BAZ1A: variants seen among roughly 807,000 people sequenced by gnomAD.
BAZ1A encodes bromodomain adjacent to zinc finger domain 1A, also known as bromodomain adjacent to zinc finger domain protein 1A.
Under a neutral mutation model 185.2 loss-of-function variants are expected in BAZ1A, and 50 were observed. The ratio of observed to expected loss-of-function variants is 0.27; its 90% CI spans 0.22 to 0.34. The LOEUF (loss-of-function observed/expected upper bound fraction) is 0.34, where lower values mean the gene tolerates loss of function less well. Among genes scored for constraint, BAZ1A ranks in the 10% least tolerant of loss-of-function variants. BAZ1A has a pLI of 1.00. For missense variants in BAZ1A, 1,356 were observed against 1,839.9 expected, an observed-to-expected ratio of 0.74 and a Z score of 4.81; for synonymous variants, 571 against 615.6, an observed-to-expected ratio of 0.93 and a Z score of 1.07.
chr14:34,844,079 G>A (rs1178328525), intron 3 of BAZ1A, among the ~76,000 whole-genome samples: 7 of 150,862 alleles, frequency 4.6e-5, no homozygotes, highest in African/African-American at 1.5e-4. Flanking sequence ...GGTAGCGGGC[G>A]CCTGTAGTCC....
At chr14:34,766,051 G>C (rs1238814243) in intron 21 of BAZ1A, among the ~76,000 whole-genome samples, 1 of 152,168 alleles carries the variant, frequency 6.6e-6, no homozygotes, top group Non-Finnish European at 1.5e-5. Context: ...TAACGGTTAA[G>C]AAAATGCAGG....
At chr14:34,814,526 T>G (rs1400813526) in intron 4 of BAZ1A, among the ~76,000 whole-genome samples, 1 of 151,768 alleles carries the variant, frequency 6.6e-6, no homozygotes, top group Non-Finnish European at 1.5e-5. Flanking sequence ...TGGAATACAG[T>G]GGCGCAATCA....
intron 4 of BAZ1A, among the ~76,000 whole-genome samples, chr14:34,819,813 A>G (rs2042059691): frequency 6.6e-6 from 1 of 152,206 alleles, no homozygotes; most frequent in South Asian, 2.1e-4. Flanking sequence ...GCTACATCAT[A>G]TAAAAGTATG....
intron 20 of BAZ1A, among the ~76,000 whole-genome samples, chr14:34,773,162 C>T (rs552847652): frequency 3.3e-5 from 5 of 152,220 alleles, no homozygotes; most frequent in African/African-American, 1.2e-4. Flanking sequence ...CTCCTGCTTC[C>T]GCCTCCCGAG....
intron 20 of BAZ1A, among the ~76,000 whole-genome samples, chr14:34,773,033 T>TAAC (rs984455420): frequency 4.6e-5 from 7 of 151,238 alleles, no homozygotes; most frequent in South Asian, 4.2e-4. Flanking sequence ...TCTCAAAAAA[T>TAAC]AACAACAACA....
At chr14:34,839,712 G>C (rs1296045991) in intron 3 of BAZ1A, among the ~76,000 whole-genome samples, 1 of 150,990 alleles carries the variant, frequency 6.6e-6, no homozygotes, top group East Asian at 1.9e-4. Flanking sequence ...GCGTGGTGGC[G>C]GGTGCCTGTA....
At chr14:34,758,298 A>G (rs1242884761) in intron 25 of BAZ1A, among the ~76,000 whole-genome samples, 2 of 150,170 alleles carry the variant, frequency 1.3e-5, no homozygotes, top group African/African-American at 2.4e-5. Context: ...AGAAGAAGAC[A>G]TGGCCAGGTG....
intron 2 of BAZ1A, among the ~76,000 whole-genome samples, chr14:34,867,799 C>T (rs903073844): frequency 6.6e-6 from 1 of 152,198 alleles, no homozygotes; most frequent in Non-Finnish European, 1.5e-5. Flanking sequence ...CCATCTCTAA[C>T]ATTACACACC....
rs1404171427 is a variant in BAZ1A, at chr14:34,761,912, C to T, written c.4088G>A (p.Ser1363Asn). 1.2e-6 allele frequency: 2 copies of T among 1,614,096 alleles called. No individual in the cohort carries two copies. Among genetic ancestry groups the T allele is most frequent in the Admixed American group, 1.7e-5 (1 of 60,002 alleles). The change falls in exon 24 of 27, where the codon AGT (serine) becomes AAT (asparagine). Residue 1363 changes from serine to asparagine, a missense_variant. This residue lies in a region of BAZ1A where 309 missense variants were observed against 355.3 expected (regional missense o/e 0.87). Transcript: ENST00000360310. ...ACTATTTTCTGGTGTATTATTAGCA[C>T]TTTTCCTGCCTCTGCGTTTTCTACG... ...SPRRKRRGRK[S>N]ANNTPENSPN...
chr14:34,825,621 A>G (rs2042155566), intron 4 of BAZ1A, among the ~76,000 whole-genome samples: 2 of 152,060 alleles, frequency 1.3e-5, no homozygotes, highest in Admixed American at 1.3e-4. Flanking sequence ...TATGACTAGA[A>G]GGAAAAAAGG....
chr14:34,819,366 CCTT>C (rs2042053095), intron 4 of BAZ1A, among the ~76,000 whole-genome samples: 2 of 152,104 alleles, frequency 1.3e-5, no homozygotes, highest in African/African-American at 4.8e-5. Context: ...ATTCATCCCT[CCTT>C]CTCTAAAACC....
At chr14:34,804,748 A>T (rs1446779105) in intron 6 of BAZ1A, among the ~76,000 whole-genome samples, 1 of 152,234 alleles carries the variant, frequency 6.6e-6, no homozygotes, top group Non-Finnish European at 1.5e-5. Context: ...TTTCTTCTCA[A>T]ATATCACACT....
At chr14:34,803,132 G>A (rs911661835) in intron 6 of BAZ1A, 144 bp from the exon 7 acceptor site, 2 of 870,308 alleles carry the variant, frequency 2.3e-6, no homozygotes, top group Non-Finnish European at 3.5e-6. Context: ...TGTAATCCCA[G>A]CACTTTGGGA....
intron 2 of BAZ1A, among the ~76,000 whole-genome samples, chr14:34,867,287 T>C (rs1012517458): frequency 6.6e-6 from 1 of 152,074 alleles, no homozygotes; most frequent in Non-Finnish European, 1.5e-5. Context: ...AAAAATCCAA[T>C]GTATATTTTA....
intron 21 of BAZ1A, among the ~76,000 whole-genome samples, chr14:34,767,315 T>G (rs997778607): frequency 1.3e-5 from 2 of 152,272 alleles, no homozygotes; most frequent in South Asian, 4.1e-4. Flanking sequence ...TTTGAGAGGC[T>G]GAGGGGAATG....
intron 21 of BAZ1A, among the ~76,000 whole-genome samples, chr14:34,770,610 C>G (rs1879147503): frequency 6.6e-6 from 1 of 152,038 alleles, no homozygotes; most frequent in Non-Finnish European, 1.5e-5. Flanking sequence ...AAAAAAACAA[C>G]AGGGAATTAG....
intron 3 of BAZ1A, among the ~76,000 whole-genome samples, chr14:34,832,215 C>CACATATATATATATATAT: frequency 8.9e-5 from 8 of 89,712 alleles, no homozygotes; most frequent in African/African-American, 1.5e-4. Flanking sequence ...CACACACACA[C>CACATATATATATATATAT]ATATATATAT....
At chr14:34,811,876 A>G (rs2041934444) in intron 4 of BAZ1A, among the ~76,000 whole-genome samples, 1 of 152,232 alleles carries the variant, frequency 6.6e-6, no homozygotes, top group African/African-American at 2.4e-5. Context: ...ATAATCCAAG[A>G]ATAAAAATGG....
chr14:34,754,980 CTA>C, intron 25 of BAZ1A, 66 bp from the exon 26 acceptor site: 9 of 1,288,678 alleles, frequency 7.0e-6, no homozygotes, highest in Non-Finnish European at 9.7e-6. Context: ...GTTCAAATAA[CTA>C]AAAGTTTTGC....
Sources: gnomAD v4.1 joint callset for allele counts (sites outside exome capture counted in the v4.1 genomes callset) on GRCh38, gnomAD v4.1.1 for gene constraint, gnomAD v4.1.1 regional missense constraint, MANE v1.5 for transcripts, NCBI Gene and HGNC (gene_info 2026-07-23, HGNC 2026-07-21) for gene names.